Variants in MTM1 observed in about 807,000 individuals in gnomAD.
MTM1 encodes myotubularin 1.
Under a neutral mutation model 52.1 loss-of-function variants are expected in MTM1, and 9 were observed. The observed-to-expected ratio is 0.17, with a 90% CI of 0.10 to 0.30. MTM1 has a LOEUF of 0.30. Among genes scored for constraint, MTM1 ranks in the 10% least tolerant of loss-of-function variants. The pLI is 1.00. For missense variants in MTM1, 277 were observed against 470.7 expected (o/e 0.59, Z 3.81); for synonymous variants, 136 against 163.8 (o/e 0.83, Z 1.29).
At chrX:150,574,718 T>C (rs782602188) in intron 1 of MTM1, among the ~76,000 whole-genome samples, 2 of 112,262 alleles carry the variant, frequency 1.8e-5, no homozygotes, top group East Asian at 5.6e-4. Flanking sequence ...ACAGTTCAAG[T>C]GTTCAGGAGC....
At chrX:150,593,776 G>C (rs12557674) in intron 2 of MTM1, among the ~76,000 whole-genome samples, 1 of 111,354 alleles carries the variant, frequency 9.0e-6, no homozygotes, top group Non-Finnish European at 1.9e-5. Context: ...GACTGGCCTA[G>C]GCAACATAGT....
intron 1 of MTM1, among the ~76,000 whole-genome samples, chrX:150,583,188 T>A (rs1485961907): frequency 2.7e-5 from 2 of 74,532 alleles, no homozygotes; most frequent in African/African-American, 1.1e-4. Flanking sequence ...TAAATATATA[T>A]AAATTATATA....
intron 10 of MTM1, among the ~76,000 whole-genome samples, chrX:150,652,541 TA>T (rs1381062787): frequency 2.0e-5 from 2 of 100,833 alleles, no homozygotes; most frequent in East Asian, 3.1e-4. Flanking sequence ...CCCATCTCTT[TA>T]AAAAAAAAGT....
chrX:150,569,296 G>T (rs1442517218), intron 1 of MTM1, among the ~76,000 whole-genome samples: 1 of 113,608 alleles, frequency 8.8e-6, no homozygotes, highest in Non-Finnish European at 1.9e-5. Context: ...ACGAGCAAGC[G>T]CCCGTGGCCG....
intron 6 of MTM1, among the ~76,000 whole-genome samples, chrX:150,621,908 C>G (rs2039486869): frequency 8.9e-6 from 1 of 111,951 alleles, no homozygotes; most frequent in South Asian, 3.7e-4. Flanking sequence ...ATTTCTCTCT[C>G]TACTGTCAGC....
At chrX:150,589,741 C>T (rs2038850003) in intron 1 of MTM1, among the ~76,000 whole-genome samples, 1 of 106,243 alleles carries the variant, frequency 9.4e-6, no homozygotes, top group Admixed American at 1.0e-4. Flanking sequence ...CTATTAGAGT[C>T]ATTATTGTCT....
chrX:150,592,518 C>T (rs1233493823), intron 1 of MTM1, 87 bp from the exon 2 acceptor site: 6 of 687,823 alleles, frequency 8.7e-6, no homozygotes, highest in Non-Finnish European at 1.4e-5. Flanking sequence ...CGTTTGCTCT[C>T]AGTTGCCATA....
At chrX:150,594,778 TG>T (rs1244028210) in intron 2 of MTM1, among the ~76,000 whole-genome samples, 1 of 112,096 alleles carries the variant, frequency 8.9e-6, no homozygotes. Context: ...CCTTATTTTG[TG>T]GTTGACCTAG....
At chrX:150,563,640 C>T (rs1183229866), upstream of MTM1, among the ~76,000 whole-genome samples, 2 of 105,907 alleles carry the variant, frequency 1.9e-5, no homozygotes, top group Admixed American at 2.0e-4. Flanking sequence ...AATCCCAGCA[C>T]TTTGGGAAGC....
At chrX:150,632,013 C>T (rs1557413588) in intron 6 of MTM1, among the ~76,000 whole-genome samples, 2 of 112,080 alleles carry the variant, frequency 1.8e-5, no homozygotes, top group African/African-American at 6.5e-5. Flanking sequence ...GAACGAGCCT[C>T]CCCTTGTTCC....
chrX:150,586,370 AATGAG>A (rs782056709), intron 1 of MTM1, among the ~76,000 whole-genome samples: 3 of 111,298 alleles, frequency 2.7e-5, no homozygotes, highest in African/African-American at 9.8e-5. Flanking sequence ...AATAGAAAGT[AATGAG>A]ATGAGATCTG....
At chrX:150,583,303 T>A (rs2038641011) in intron 1 of MTM1, among the ~76,000 whole-genome samples, 1 of 56,155 alleles carries the variant, frequency 1.8e-5, no homozygotes. Context: ...ATTATATATA[T>A]TATATATAAT....
intron 2 of MTM1, among the ~76,000 whole-genome samples, chrX:150,595,390 G>A (rs1557412582): frequency 9.0e-6 from 1 of 111,702 alleles, no homozygotes; most frequent in East Asian, 2.8e-4. Context: ...GAACCTGGGA[G>A]CTGGGAGGCA....
At chrX:150,574,976 CAGTAAT>C (rs1557411588) in intron 1 of MTM1, among the ~76,000 whole-genome samples, 1 of 112,160 alleles carries the variant, frequency 8.9e-6, no homozygotes, top group African/African-American at 3.2e-5. Flanking sequence ...GTTTAGGAAG[CAGTAAT>C]ATCAGGATTT....
At chrX:150,668,280 C>T (rs1409297808) in intron 14 of MTM1, among the ~76,000 whole-genome samples, 5 of 112,343 alleles carry the variant, frequency 4.5e-5, no homozygotes, top group African/African-American at 1.3e-4. Flanking sequence ...TTAAAAGCCA[C>T]GCAAGTTTGT....
At chrX:150,578,138 AAAG>A (rs2038505479) in intron 1 of MTM1, among the ~76,000 whole-genome samples, 1 of 112,407 alleles carries the variant, frequency 8.9e-6, no homozygotes, top group Admixed American at 9.4e-5. Context: ...AAAACCCTTA[AAAG>A]AAGGTCTGGG....
intron 1 of MTM1, among the ~76,000 whole-genome samples, chrX:150,583,825 CAA>C (rs2038712688): frequency 2.7e-5 from 1 of 37,590 alleles, no homozygotes; most frequent in Non-Finnish European, 4.4e-5. Context: ...ATTAAATATA[CAA>C]AATATATATA....
intron 9 of MTM1, among the ~76,000 whole-genome samples, chrX:150,648,828 A>T (rs1041616962): frequency 8.9e-6 from 1 of 112,642 alleles, no homozygotes; most frequent in African/African-American, 3.2e-5. Context: ...GTGCTCTCTC[A>T]TTGGTGTTTG....
At chrX:150,563,564 C>T (rs782757753), upstream of MTM1, among the ~76,000 whole-genome samples, 9 of 103,409 alleles carry the variant, frequency 8.7e-5, no homozygotes, top group East Asian at 2.7e-3. Flanking sequence ...CTGCTTGCCT[C>T]GGCCTCCCAA....
Sources: gnomAD v4.1 joint callset for allele counts (sites outside exome capture counted in the v4.1 genomes callset) on GRCh38, gnomAD v4.1.1 for gene constraint, MANE v1.5 for transcripts, NCBI Gene and HGNC (gene_info 2026-07-23, HGNC 2026-07-21) for gene names.